CEP43: variants seen among roughly 807,000 people sequenced by gnomAD.
CEP43 encodes centrosomal protein 43, also known as FGFR1 oncogene partner.
A neutral mutation model predicts 52.6 loss-of-function variants in CEP43; 36 were observed. The ratio of observed to expected loss-of-function variants is 0.68; its 90% confidence interval spans 0.52 to 0.90. The LOEUF is 0.90. Ranked by LOEUF, CEP43 falls within the 40% of genes least tolerant of loss-of-function variation. CEP43 has a pLI of 0.00. For missense variants in CEP43, 506 were observed against 472.8 expected (o/e 1.07, Z -0.65); for synonymous variants, 192 against 172.4 (o/e 1.11, Z -0.89).
chr6:167,029,096 A>G (rs1393099736), intron 10 of CEP43, among the ~76,000 whole-genome samples: 6 of 152,230 alleles, frequency 3.9e-5, no homozygotes, highest in Admixed American at 2.0e-4. Flanking sequence ...TTTTTTAACA[A>G]TCTTTAAAAA....
chr6:167,012,412 T>TA (rs1308470023), intron 6 of CEP43, among the ~76,000 whole-genome samples: 1 of 152,090 alleles, frequency 6.6e-6, no homozygotes, highest in Non-Finnish European at 1.5e-5. Context: ...ACCCCAGTGA[T>TA]AGAGTAAGGT....
chr6:167,013,255 C>T (rs1371283855), intron 6 of CEP43, among the ~76,000 whole-genome samples: 1 of 152,176 alleles, frequency 6.6e-6, no homozygotes, highest in East Asian at 1.9e-4. Context: ...ATTCTCCACC[C>T]AGTAGAAGCT....
At chr6:167,019,367 C>T (rs145118877) in intron 7 of CEP43, among the ~76,000 whole-genome samples, 30 of 152,282 alleles carry the variant, frequency 2.0e-4, no homozygotes, top group Non-Finnish European at 3.8e-4. Flanking sequence ...CTGCTCTCAG[C>T]GTTTTCAGTG....
At chr6:167,011,320 G>T (rs1012426919) in intron 6 of CEP43, among the ~76,000 whole-genome samples, 5 of 152,130 alleles carry the variant, frequency 3.3e-5, no homozygotes, top group Admixed American at 3.3e-4. Flanking sequence ...AATCATGATG[G>T]TTTTTAATAT....
chr6:167,039,172 C>T (rs1320308382), intron 12 of CEP43, among the ~76,000 whole-genome samples: 2 of 152,058 alleles, frequency 1.3e-5, no homozygotes, highest in East Asian at 1.9e-4. Flanking sequence ...CTCTGTCACC[C>T]AAGCTGGAGT....
Position 167,049,759 on chromosome 6 carries a change from CTA to C in CEP43, c.*9783_*9784del, listed in dbSNP as rs1241820003. The C allele has an allele frequency of 6.6e-6, 1 of 152,194 alleles. No individual in the cohort carries two copies. The highest frequency in any genetic ancestry group is 1.5e-5 in the Non-Finnish European group (1 of 68,052). The allele number at this position is 152,194 out of a possible 1,614,324, so 9.4% of individuals were successfully genotyped here. On this transcript the variant is annotated 3_prime_UTR_variant, in exon 13 of 13. Transcript: ENST00000366847. ...GGAGCCTCTGAGTAATATAATAACT[CTA>C]TGTTTGGTGTTTTGAAGAATTGCTA...
chr6:167,035,803 G>A (rs1440241991), intron 12 of CEP43, among the ~76,000 whole-genome samples: 3 of 152,114 alleles, frequency 2.0e-5, no homozygotes, highest in African/African-American at 4.8e-5. Flanking sequence ...TCCTGACCTC[G>A]TGCTCTGCCT....
At chr6:167,029,840 G>A (rs1780429525) in intron 10 of CEP43, among the ~76,000 whole-genome samples, 1 of 152,218 alleles carries the variant, frequency 6.6e-6, no homozygotes. Flanking sequence ...TTTGGGATAG[G>A]TGGTGGAGTT....
intron 10 of CEP43, chr6:167,028,268 G>A (rs760855125): frequency 3.3e-5 from 33 of 985,300 alleles, no homozygotes; most frequent in Non-Finnish European, 3.9e-5. Context: ...TGAGTGGGGA[G>A]CTGCCGAGAA....
intron 10 of CEP43, among the ~76,000 whole-genome samples, chr6:167,027,525 G>A (rs1039570514): frequency 1.3e-5 from 2 of 152,174 alleles, no homozygotes; most frequent in African/African-American, 4.8e-5. Flanking sequence ...AAAGAAAGGT[G>A]TGTCCCCATT....
intron 10 of CEP43, chr6:167,027,891 C>A: frequency 1.0e-6 from 1 of 985,596 alleles, no homozygotes; most frequent in South Asian, 4.7e-5. Flanking sequence ...CCTGAGCTGC[C>A]CGGATTCTTG....
chr6:167,010,485 A>G (rs1779961189), intron 5 of CEP43, among the ~76,000 whole-genome samples: 2 of 152,208 alleles, frequency 1.3e-5, no homozygotes, highest in Admixed American at 6.5e-5. Context: ...GAATTACAGG[A>G]TATTATTTGT....
chr6:167,023,368 G>A (rs1457326388), intron 8 of CEP43, among the ~76,000 whole-genome samples: 2 of 152,174 alleles, frequency 1.3e-5, no homozygotes, highest in East Asian at 3.8e-4. Context: ...GCCAGTAAGT[G>A]CTAGAGAAAA....
chr6:167,028,401 G>C, intron 10 of CEP43: 3 of 985,348 alleles, frequency 3.0e-6, no homozygotes, highest in Non-Finnish European at 3.6e-6. Context: ...GGTTGGAATT[G>C]GGGTAGTTAT....
chr6:167,033,713 T>G (rs553203396), intron 11 of CEP43, among the ~76,000 whole-genome samples, 162 bp from the exon 12 acceptor site: 1 of 152,340 alleles, frequency 6.6e-6, no homozygotes, highest in Admixed American at 6.5e-5. Flanking sequence ...CCTTGCTACA[T>G]TATTTTAAGG....
chr6:167,031,176 C>A (rs897246536), intron 10 of CEP43, among the ~76,000 whole-genome samples: 13 of 152,186 alleles, frequency 8.5e-5, no homozygotes, highest in Non-Finnish European at 1.6e-4. Context: ...CCTGCCTTGG[C>A]CTCCCAAGTA....
At position 167,041,267 on chromosome 6, in the gene CEP43, G is replaced by T; in HGVS notation, c.*1289G>T. The stretch of plus-strand genomic sequence containing the variant: ...GAAATTACTCCTTGGGCTCTAAAAT[G>T]TAGAGGAAATGAAAATGTAAGGATT... On this transcript the variant is annotated 3_prime_UTR_variant, in exon 13 of 13. Transcript: ENST00000366847. 1 of 1,049,172 alleles carries T rather than the reference G, an allele frequency of 9.5e-7. No individual in the cohort carries two copies. The allele number at this position is 1,049,172 out of a possible 1,614,324, so 65.0% of individuals were successfully genotyped here. A position where few individuals can be genotyped will look rare whatever the true frequency, so the allele number is the denominator to read the frequency against.
chr6:167,028,754 G>T (rs1425402239), intron 10 of CEP43, among the ~76,000 whole-genome samples: 2 of 152,222 alleles, frequency 1.3e-5, no homozygotes, highest in Non-Finnish European at 2.9e-5. Context: ...TGCTTTTAGA[G>T]TCCTGATGCA....
At chr6:167,028,440 G>A in intron 10 of CEP43, 1 of 984,024 alleles carries the variant, frequency 1.0e-6, no homozygotes, top group Non-Finnish European at 1.2e-6. Flanking sequence ...TTCACTAGCT[G>A]GATGTTTGTC....
Sources: gnomAD v4.1 joint callset for allele counts (sites outside exome capture counted in the v4.1 genomes callset) on GRCh38, gnomAD v4.1.1 for gene constraint, MANE v1.5 for transcripts, NCBI Gene and HGNC (gene_info 2026-07-23, HGNC 2026-07-21) for gene names.